SLC4A10: variants seen among roughly 807,000 people sequenced by gnomAD.
SLC4A10 encodes the protein solute carrier family 4 member 10, also known as sodium-driven chloride bicarbonate exchanger.
SLC4A10 carries 42 observed loss-of-function variants against 137.7 expected under a neutral mutation model. The ratio of observed to expected loss-of-function variants is 0.30; its 90% CI spans 0.24 to 0.39. SLC4A10 has a LOEUF of 0.39. Ranked by LOEUF, SLC4A10 falls within the 10% of genes least tolerant of loss-of-function variation. SLC4A10 has a pLI of 1.00. For synonymous variants in SLC4A10, 474 were observed against 464.1 expected, an observed-to-expected ratio of 1.02 and a Z score of -0.27; for missense variants, 925 against 1,355.0, an observed-to-expected ratio of 0.68 and a Z score of 4.98.
chr2:161,772,960 G>A (rs181656365), intron 2 of SLC4A10, among the ~76,000 whole-genome samples: 21 of 151,946 alleles, frequency 1.4e-4, no homozygotes, highest in Non-Finnish European at 2.5e-4. Flanking sequence ...GAATCAGCTG[G>A]CAGCAGAATA....
intron 1 of SLC4A10, among the ~76,000 whole-genome samples, chr2:161,748,070 A>G (rs1482441305): frequency 1.3e-5 from 2 of 152,140 alleles, no homozygotes. Context: ...CTTCTTTGGA[A>G]AAAATGTAAT....
chr2:161,737,766 T>C (rs1428875596), intron 1 of SLC4A10, among the ~76,000 whole-genome samples: 1 of 152,156 alleles, frequency 6.6e-6, no homozygotes, highest in Admixed American at 6.5e-5. Context: ...AGCTGGTAGG[T>C]AGAGTGGGTA....
chr2:161,755,285 A>G (rs187161110), intron 1 of SLC4A10, among the ~76,000 whole-genome samples: 1 of 152,322 alleles, frequency 6.6e-6, no homozygotes, highest in East Asian at 1.9e-4. Context: ...TTCATATCAC[A>G]TTAATTCATT....
chr2:161,903,700 G>A (rs1005129387), intron 12 of SLC4A10, among the ~76,000 whole-genome samples: 5 of 152,196 alleles, frequency 3.3e-5, no homozygotes, highest in Admixed American at 6.5e-5. Flanking sequence ...AAATGGCACA[G>A]AGATTAGAGT....
At chr2:161,900,211 A>G (rs1168638188) in intron 11 of SLC4A10, among the ~76,000 whole-genome samples, 1 of 152,100 alleles carries the variant, frequency 6.6e-6, no homozygotes, top group East Asian at 1.9e-4. Context: ...CCATGGGAAA[A>G]CAATACTTAC....
At chr2:161,958,439 A>G in intron 20 of SLC4A10, 48 bp from the exon 21 acceptor site, 6 of 1,516,340 alleles carry the variant, frequency 4.0e-6, no homozygotes, top group African/African-American at 1.4e-5. Context: ...CAAAACCACA[A>G]TCTATTTGAA....
chr2:161,747,309 G>T (rs143331309), intron 1 of SLC4A10, among the ~76,000 whole-genome samples: 22 of 152,196 alleles, frequency 1.4e-4, no homozygotes, highest in African/African-American at 3.9e-4. Context: ...GCCAAATTCC[G>T]CCTTGTGTTG....
chr2:161,939,595 C>G (rs930636932), intron 15 of SLC4A10, among the ~76,000 whole-genome samples: 4 of 152,132 alleles, frequency 2.6e-5, no homozygotes, highest in Non-Finnish European at 5.9e-5. Context: ...ATAATTCTCA[C>G]CTTTCCTCCC....
At chr2:161,775,382 C>T (rs535452869) in intron 2 of SLC4A10, among the ~76,000 whole-genome samples, 1 of 152,026 alleles carries the variant, frequency 6.6e-6, no homozygotes, top group East Asian at 1.9e-4. Context: ...TATTTATAGT[C>T]TTGCTCCAGG....
chr2:161,864,446 A>C (rs1347940940), intron 6 of SLC4A10, among the ~76,000 whole-genome samples: 1 of 152,194 alleles, frequency 6.6e-6, no homozygotes, highest in African/African-American at 2.4e-5. Flanking sequence ...AAATATACAT[A>C]AAAATATAGG....
At chr2:161,700,004 T>C (rs1350242279) in intron 1 of SLC4A10, among the ~76,000 whole-genome samples, 1 of 152,186 alleles carries the variant, frequency 6.6e-6, no homozygotes, top group African/African-American at 2.4e-5. Context: ...TTGTAACTGA[T>C]AAAATATCCT....
At chr2:161,940,410 C>T (rs1219463704) in intron 15 of SLC4A10, among the ~76,000 whole-genome samples, 1 of 151,890 alleles carries the variant, frequency 6.6e-6, no homozygotes, top group Non-Finnish European at 1.5e-5. Flanking sequence ...GAGGTTCAAC[C>T]TCAGGCCTGG....
At chr2:161,715,515 C>G (rs2044758022) in intron 1 of SLC4A10, among the ~76,000 whole-genome samples, 1 of 152,050 alleles carries the variant, frequency 6.6e-6, no homozygotes, top group South Asian at 2.1e-4. Context: ...CACCCCTCAG[C>G]AGACCCCAGT....
chr2:161,807,549 C>T (rs2056121201), intron 3 of SLC4A10, among the ~76,000 whole-genome samples: 1 of 152,142 alleles, frequency 6.6e-6, no homozygotes, highest in Non-Finnish European at 1.5e-5. Context: ...TACTTAACCC[C>T]TCTACTTTTC....
intron 1 of SLC4A10, among the ~76,000 whole-genome samples, chr2:161,721,811 T>G (rs1375563953): frequency 6.6e-6 from 1 of 152,224 alleles, no homozygotes; most frequent in Non-Finnish European, 1.5e-5. Flanking sequence ...TTCCATCTCT[T>G]TCAGGTACCC....
At chr2:161,713,083 G>A (rs934541595) in intron 1 of SLC4A10, among the ~76,000 whole-genome samples, 4 of 151,794 alleles carry the variant, frequency 2.6e-5, no homozygotes, top group Non-Finnish European at 5.9e-5. Context: ...ATTTCAGGCA[G>A]AGGAAACAAC....
chr2:161,707,470 T>G (rs2043803864), intron 1 of SLC4A10, among the ~76,000 whole-genome samples: 1 of 151,410 alleles, frequency 6.6e-6, no homozygotes, highest in African/African-American at 2.4e-5. Flanking sequence ...AGTCTTTTTT[T>G]TTTTTGGTTT....
chr2:161,951,170 C>T (rs968010556), intron 19 of SLC4A10, among the ~76,000 whole-genome samples: 4 of 152,280 alleles, frequency 2.6e-5, no homozygotes, highest in East Asian at 1.9e-4. Flanking sequence ...ACCATACCAA[C>T]TTGTCTTACA....
chr2:161,643,353 T>A (rs1348719638), intron 1 of SLC4A10, among the ~76,000 whole-genome samples: 1 of 152,124 alleles, frequency 6.6e-6, no homozygotes, highest in African/African-American at 2.4e-5. Flanking sequence ...GAATCTTAAT[T>A]CAAAGTGAAC....
Sources: gnomAD v4.1 joint callset for allele counts (sites outside exome capture counted in the v4.1 genomes callset) on GRCh38, gnomAD v4.1.1 for gene constraint, MANE v1.5 for transcripts, NCBI Gene and HGNC (gene_info 2026-07-23, HGNC 2026-07-21) for gene names.